The following CLVS1 variants were observed in gnomAD, a reference collection of about 807,000 sequenced individuals.
CLVS1 encodes the protein clavesin 1.
Under a neutral mutation model 33.1 loss-of-function variants are expected in CLVS1, and 10 were observed. The observed-to-expected ratio is 0.30, with a 90% CI of 0.19 to 0.51. The LOEUF (loss-of-function observed/expected upper bound fraction) is 0.51. CLVS1 is among the 20% of genes least tolerant of loss of function. CLVS1 has a pLI of 0.97. For synonymous variants in CLVS1, 163 were observed against 166.1 expected (o/e 0.98, Z 0.14); for missense variants, 343 against 433.4 (o/e 0.79, Z 1.85).
chr8:61,217,115 C>A (rs778919037), intron 2 of CLVS1, among the ~76,000 whole-genome samples: 1 of 152,074 alleles, frequency 6.6e-6, no homozygotes, highest in Non-Finnish European at 1.5e-5. Context: ...CTTTCTGAGA[C>A]TTTTTCATGA....
At chr8:61,212,604 T>C (rs887434788) in intron 2 of CLVS1, among the ~76,000 whole-genome samples, 6 of 152,052 alleles carry the variant, frequency 3.9e-5, no homozygotes, top group Admixed American at 6.6e-5. Context: ...ATTGGAAAGA[T>C]AGAAGCAGGA....
intron 2 of CLVS1, among the ~76,000 whole-genome samples, chr8:61,183,157 G>GGA (rs1807274485): frequency 6.6e-6 from 1 of 150,688 alleles, no homozygotes; most frequent in African/African-American, 2.5e-5. Context: ...CAGGGCGGAG[G>GGA]GGGGCAGGCA....
At chr8:61,434,840 G>C (rs1240914032) in intron 3 of CLVS1, among the ~76,000 whole-genome samples, 2 of 152,104 alleles carry the variant, frequency 1.3e-5, no homozygotes, top group Admixed American at 6.6e-5. Flanking sequence ...TTATCTCCCG[G>C]GTCTAGAGAG....
At position 61,346,184 on chromosome 8, in the gene CLVS1, C is replaced by T. The variant is rs6994330; in HGVS notation, c.456-30421C>T. On this transcript the variant is annotated intron_variant, in intron 2 of 5. Transcript: ENST00000325897. ...GCAAATGGTATAGAATGTCAGTCAG[C>T]GTTTCTTAACCCAGGGTGCCTGCGA... Among the ~76,000 whole-genome samples the T allele has an allele frequency of 7.7e-3, 1,175 of 152,206 alleles. 15 individuals carry two copies. The highest frequency in any genetic ancestry group is 0.026 in the African/African-American group (1,092 of 41,532).
intron 2 of CLVS1, among the ~76,000 whole-genome samples, chr8:61,320,072 A>G (rs189754027): frequency 6.6e-5 from 10 of 152,196 alleles, no homozygotes; most frequent in Admixed American, 5.9e-4. Context: ...CATTTATTAT[A>G]GTTTCTATCC....
chr8:61,202,765 T>C lies in CLVS1; in HGVS notation c.-152+70905T>C. On this transcript the variant is annotated intron_variant, in intron 2 of 2. Transcript: ENST00000522621. The stretch of plus-strand genomic sequence containing the variant: ...GGAGGATGTGAAACTCTTAAGTATA[T>C]CTGGAAAGCGATCTGCCCTCGGAGG... The C allele has an allele frequency of 3.2e-6, 5 of 1,567,436 alleles. 1 individual carries two copies. The South Asian group carries it at 5.5e-5, about 17-fold the overall frequency.
At chr8:61,125,105 G>A (rs1245403377) in intron 1 of CLVS1, among the ~76,000 whole-genome samples, 3 of 152,104 alleles carry the variant, frequency 2.0e-5, no homozygotes, top group Non-Finnish European at 4.4e-5. Flanking sequence ...AATTGATAAG[G>A]AAATTGAGGC....
chr8:61,426,226 C>T (rs1211221524), intron 3 of CLVS1, among the ~76,000 whole-genome samples: 3 of 152,170 alleles, frequency 2.0e-5, no homozygotes, highest in Non-Finnish European at 4.4e-5. Context: ...CATAGTTTTA[C>T]CTTAATATAC....
At chr8:61,437,288 G>A (rs550987852) in intron 3 of CLVS1, among the ~76,000 whole-genome samples, 1 of 152,260 alleles carries the variant, frequency 6.6e-6, no homozygotes, top group Non-Finnish European at 1.5e-5. Context: ...GGTGAGGGGT[G>A]GAACTGTACT....
At chr8:61,109,230 A>C (rs1262493021) in intron 1 of CLVS1, among the ~76,000 whole-genome samples, 1 of 151,820 alleles carries the variant, frequency 6.6e-6, no homozygotes, top group Non-Finnish European at 1.5e-5. Context: ...TTTCATTTGC[A>C]ATGTAAGGAA....
chr8:61,445,805 T>C (rs1816741964), intron 3 of CLVS1, among the ~76,000 whole-genome samples: 1 of 152,226 alleles, frequency 6.6e-6, no homozygotes, highest in African/African-American at 2.4e-5. Flanking sequence ...AGAACTTTTA[T>C]TCTTGGTAGA....
chr8:61,078,289 T>C (rs1156896440), intron 1 of CLVS1, among the ~76,000 whole-genome samples: 1 of 152,208 alleles, frequency 6.6e-6, no homozygotes, highest in Non-Finnish European at 1.5e-5. Flanking sequence ...CCCGCTTGTG[T>C]GATGTGACGA....
chr8:61,460,448 C>A (rs1458855851), intron 5 of CLVS1, among the ~76,000 whole-genome samples: 1 of 151,940 alleles, frequency 6.6e-6, no homozygotes, highest in Non-Finnish European at 1.5e-5. Flanking sequence ...ATTAGATGAA[C>A]AAAAATGGAT....
intron 2 of CLVS1, among the ~76,000 whole-genome samples, chr8:61,159,497 T>TG (rs1292174077): frequency 6.6e-6 from 1 of 152,224 alleles, no homozygotes; most frequent in Non-Finnish European, 1.5e-5. Context: ...CCTTCCCTCC[T>TG]GGTGAGCAGC....
chr8:61,426,887 A>G (rs1333977986), intron 3 of CLVS1, among the ~76,000 whole-genome samples: 1 of 152,192 alleles, frequency 6.6e-6, no homozygotes, highest in Non-Finnish European at 1.5e-5. Flanking sequence ...GGCCCTTAGT[A>G]TTTGTCATGT....
chr8:61,294,751 C>T (rs1810131390), intron 1 of CLVS1, among the ~76,000 whole-genome samples: 1 of 150,278 alleles, frequency 6.7e-6, no homozygotes, highest in Non-Finnish European at 1.5e-5. Context: ...GTATGTGTTT[C>T]TGAAGATTAT....
intron 3 of CLVS1, among the ~76,000 whole-genome samples, chr8:61,394,000 G>A (rs984934044): frequency 2.0e-5 from 3 of 152,192 alleles, no homozygotes; most frequent in Non-Finnish European, 4.4e-5. Context: ...TCAGCCTGTA[G>A]TATTGCCAAT....
intron 3 of CLVS1, among the ~76,000 whole-genome samples, chr8:61,416,302 C>CATACA (rs1397954928): frequency 5.9e-4 from 54 of 92,266 alleles, no homozygotes; most frequent in African/African-American, 8.3e-4. Flanking sequence ...AGCTAGCTAG[C>CATACA]TAGATACATA....
intron 2 of CLVS1, among the ~76,000 whole-genome samples, chr8:61,335,242 T>C (rs1811755306): frequency 1.3e-5 from 2 of 152,210 alleles, no homozygotes; most frequent in Admixed American, 6.5e-5. Flanking sequence ...TCTAATCTTG[T>C]GGTGAATGTT....
Sources: allele counts gnomAD v4.1 joint callset (sites outside exome capture counted in the v4.1 genomes callset), GRCh38; gene constraint gnomAD v4.1.1; transcripts MANE v1.5; gene names NCBI Gene and HGNC (gene_info 2026-07-23, HGNC 2026-07-21).